Variants in BIRC5 observed in about 807,000 individuals in gnomAD.
BIRC5 encodes the protein baculoviral IAP repeat containing 5, also known as baculoviral IAP repeat-containing protein 5.
A neutral mutation model predicts 15.8 loss-of-function variants in BIRC5; 8 were observed. That is an observed-to-expected ratio of 0.51 (90% CI 0.30 to 0.91). BIRC5 has a LOEUF of 0.91. Ranked by LOEUF, BIRC5 falls within the 40% of genes least tolerant of loss-of-function variation. The pLI is 0.07. For missense variants in BIRC5, 163 were observed against 178.6 expected, an observed-to-expected ratio of 0.91 and a Z score of 0.50; for synonymous variants, 56 against 64.5, an observed-to-expected ratio of 0.87 and a Z score of 0.63.
Position 78,214,694 on chromosome 17 carries a change from C to T in BIRC5, c.126C>T (p.Gly42=). 1 of 1,606,870 alleles carries T rather than the reference C, an allele frequency of 6.2e-7. No individual in the cohort carries two copies. The change falls in exon 2 of 4, where the codon GGC becomes GGT. Residue 42 remains glycine (G), a synonymous_variant. Coordinates refer to ENST00000350051, the MANE Select transcript of BIRC5 (RefSeq NM_001168.3). ...GTCCCTTGCAGATGGCCGAGGCTGG[C>T]TTCATCCACTGCCCCACTGAGAACG... The part of the protein sequence containing the change: ...ACTPERMAEA[G]FIHCPTENEP...
chr17:78,217,919 G>A (rs1248563744), intron 3 of BIRC5, among the ~76,000 whole-genome samples: 3 of 151,840 alleles, frequency 2.0e-5, no homozygotes, highest in African/African-American at 7.3e-5. Context: ...ATCCTCCCAA[G>A]TAATTGGGAC....
Position 78,224,030 on chromosome 17 carries a change from T to A in BIRC5, c.*476T>A. The A allele has an allele frequency of 5.9e-6, 1 of 168,962 alleles. No homozygotes were observed. 10.5% of individuals were successfully genotyped at this position (168,962 alleles called of 1,614,324 possible). A position where few individuals can be genotyped will look rare whatever the true frequency, so the allele number is the denominator to read the frequency against. On this transcript the variant is annotated 3_prime_UTR_variant, in exon 4 of 4. Transcript: ENST00000350051. ...CCTTATCTGTCACACCTGTGCCTCC[T>A]CAGAGGACAGTTTTTTTGTTGTTGT...
In BIRC5 at chr17:78,214,805, C is replaced by G. The variant is rs766259742; in HGVS notation, c.221+16C>G. The G allele has an allele frequency of 1.3e-6, 2 of 1,599,314 alleles. No homozygotes were observed. The highest frequency in any genetic ancestry group is 1.7e-6 in the Non-Finnish European group (2 of 1,171,222). ...ACGACCCCATGTAAGTCTTCTCTGG[C>G]CAGCCTCGATGGGCTTTGTTTTGAA... On this transcript the variant is annotated intron_variant, in intron 2 of 3. Coordinates refer to ENST00000350051, the MANE Select transcript of BIRC5 (RefSeq NM_001168.3).
intron 3 of BIRC5, among the ~76,000 whole-genome samples, chr17:78,220,468 T>G (rs1429736998): frequency 6.7e-6 from 1 of 149,976 alleles, no homozygotes; most frequent in Non-Finnish European, 1.5e-5. Context: ...ATGTGTGAGC[T>G]GAAGGCGCAG....
intron 3 of BIRC5, among the ~76,000 whole-genome samples, chr17:78,217,261 C>T (rs993815371): frequency 7.3e-5 from 11 of 150,864 alleles, no homozygotes; most frequent in African/African-American, 9.8e-5. Flanking sequence ...CTGCAACCTC[C>T]GCCTCCTGGG....
chr17:78,216,430 T>C, intron 2 of BIRC5: 1 of 441,538 alleles, frequency 2.3e-6, no homozygotes. Flanking sequence ...AATAGATACA[T>C]TAGCCACACA....
chr17:78,215,393 G>A (rs555916763), intron 2 of BIRC5, among the ~76,000 whole-genome samples: 5 of 151,742 alleles, frequency 3.3e-5, no homozygotes, highest in Middle Eastern at 3.4e-3. Context: ...CTCCAGCCTC[G>A]GCGACAGAGC....
intron 3 of BIRC5, 150 bp downstream of exon 3, chr17:78,216,931 G>A (rs2076482573): frequency 1.9e-6 from 1 of 530,268 alleles, no homozygotes; most frequent in Admixed American, 3.2e-5. Flanking sequence ...CCAGGCTGGA[G>A]TGCAATGGTG....
In BIRC5 at chr17:78,214,929, CTCTATAT is replaced by C. The variant is rs2076467003; in HGVS notation, c.221+141_221+147del. ...AAACAGCTGTTGTGAACGGATACCT[CTCTATAT>C]GCTGGTGCCTTGGTGATGCTTACAA... On this transcript the variant is annotated intron_variant, in intron 2 of 3. Transcript: ENST00000350051. The C allele has an allele frequency of 4.0e-6, 3 of 754,464 alleles. No individual in the cohort carries two copies. The Admixed American group carries it at 6.8e-5, about 17-fold the overall frequency. The allele number at this position is 754,464 out of a possible 1,614,324, so 46.7% of individuals were successfully genotyped here.
intron 3 of BIRC5, chr17:78,223,070 G>A: frequency 7.6e-7 from 1 of 1,307,326 alleles, no homozygotes; most frequent in Non-Finnish European, 1.0e-6. Flanking sequence ...CAGACTAGCT[G>A]GGGTGCCTAG....
rs767352807 is a variant in BIRC5 at position 78,216,795 on chromosome 17, A to G, written c.339+14A>G. ...AAGAACAAAATTGTATGTATTGGGA[A>G]TAAGAACTGCTCAAACCCTGTTCAA... On this transcript the variant is annotated intron_variant, in intron 3 of 3. Transcript: ENST00000350051. 1.3e-6 allele frequency: 2 copies of G among 1,590,500 alleles called. No individual in the cohort carries two copies. The highest frequency in any genetic ancestry group is 1.7e-6 in the Non-Finnish European group (2 of 1,160,406).
Position 78,223,663 on chromosome 17 carries a change from G to A in BIRC5, c.*109G>A, listed in dbSNP as rs762868101. ...GCCCCTTAGCAATGTCTTAGGAAAG[G>A]AGATCAACATTTTCAAATTAGATGT... is the stretch of plus-strand genomic sequence containing the variant. On this transcript the variant is annotated 3_prime_UTR_variant, in exon 4 of 4. Transcript: ENST00000350051. 2.5e-5 allele frequency: 38 copies of A among 1,541,634 alleles called. No individual in the cohort carries two copies. Among genetic ancestry groups the A allele is most frequent in the Non-Finnish European group, 3.3e-5 (38 of 1,142,860 alleles).
chr17:78,214,437 C>A lies in BIRC5; in HGVS notation c.111+10C>A. 6.5e-7 allele frequency: 1 copy of A among 1,543,236 alleles called. No homozygotes were observed. The highest frequency in any genetic ancestry group is 1.2e-5 in the South Asian group (1 of 81,666). On this transcript the variant is annotated intron_variant, in intron 1 of 3. Coordinates refer to ENST00000350051, the MANE Select transcript of BIRC5 (RefSeq NM_001168.3). ...CTGCACCCCGGAGCGGGTGAGACTG[C>A]CCGGCCTCCTGGGGTCCCCCACGCC... is the stretch of plus-strand genomic sequence containing the variant.
At chr17:78,217,091 G>C (rs188720908) in intron 3 of BIRC5, among the ~76,000 whole-genome samples, 4 of 151,836 alleles carry the variant, frequency 2.6e-5, no homozygotes, top group Non-Finnish European at 5.9e-5. Context: ...CATTGCCCAG[G>C]CTGGTCTTGA....
rs772312741 is a variant in BIRC5, at chr17:78,223,638, G to A, written c.*84G>A. ...CCTGGTGCCACCAGCCTTCCTGTGG[G>A]CCCCTTAGCAATGTCTTAGGAAAGG... On this transcript the variant is annotated 3_prime_UTR_variant, in exon 4 of 4. Coordinates refer to ENST00000350051, the MANE Select transcript of BIRC5 (RefSeq NM_001168.3). The A allele has an allele frequency of 5.7e-6, 9 of 1,592,732 alleles. No homozygotes were observed. Among genetic ancestry groups the A allele is most frequent in the Non-Finnish European group, 7.7e-6 (9 of 1,169,796 alleles).
intron 3 of BIRC5, among the ~76,000 whole-genome samples, chr17:78,217,601 A>G (rs2076488364): frequency 1.3e-5 from 2 of 152,028 alleles, no homozygotes; most frequent in Non-Finnish European, 2.9e-5. Context: ...GGTTCAAGCC[A>G]TTCTCCTGCC....
At position 78,223,600 on chromosome 17, in the gene BIRC5, C is replaced by A. The variant is rs373086357; in HGVS notation, c.*46C>A. Reference sequence around the variant, plus strand: ...TGGTCCCAGAGTGGCTGCACCACTTCCAGGGTTTATTCCCTGGTGCCACCA... The same window carrying A: ...TGGTCCCAGAGTGGCTGCACCACTTACAGGGTTTATTCCCTGGTGCCACCA... On this transcript the variant is annotated 3_prime_UTR_variant, in exon 4 of 4. Transcript: ENST00000350051. The A allele has an allele frequency of 1.1e-5, 17 of 1,612,204 alleles. No homozygotes were observed. Among genetic ancestry groups the A allele is most frequent in the Non-Finnish European group, 1.4e-5 (17 of 1,179,078 alleles).
At chr17:78,216,145 A>T (rs2076476117) in intron 2 of BIRC5, 1 of 182,122 alleles carries the variant, frequency 5.5e-6, no homozygotes, top group Non-Finnish European at 1.0e-5. Flanking sequence ...GCTACTCGGG[A>T]GGCTGAGGCA....
chr17:78,225,146 C>T lies in BIRC5; in HGVS notation c.*1592C>T, dbSNP rs760290396. On this transcript the variant is annotated 3_prime_UTR_variant, in exon 4 of 4. Coordinates refer to ENST00000350051, the MANE Select transcript of BIRC5 (RefSeq NM_001168.3). Reference sequence around the variant, plus strand: ...TGGAAAAAAATGGTTTTGTCTTCAACTCCTTTGCATGCCAGGCGGTGATGT... The same window carrying T: ...TGGAAAAAAATGGTTTTGTCTTCAATTCCTTTGCATGCCAGGCGGTGATGT... 2.0e-5 allele frequency: 3 copies of T among 152,360 alleles called. No homozygotes were observed. The highest frequency in any genetic ancestry group is 1.9e-4 in the East Asian group (1 of 5,188). The allele number at this position is 152,360 out of a possible 1,614,324, so 9.4% of individuals were successfully genotyped here.
Sources: allele counts gnomAD v4.1 joint callset (sites outside exome capture counted in the v4.1 genomes callset), GRCh38; gene constraint gnomAD v4.1.1; transcripts MANE v1.5; gene names NCBI Gene and HGNC (gene_info 2026-07-23, HGNC 2026-07-21).